Variants in ERCC6L2 observed in about 807,000 individuals in gnomAD.
The protein encoded by ERCC6L2 is DNA excision repair protein ERCC-6-like 2.
A neutral mutation model predicts 132.0 loss-of-function variants in ERCC6L2; 77 were observed. The ratio of observed to expected loss-of-function variants is 0.58; its 90% CI spans 0.49 to 0.71. The LOEUF is 0.71. Ranked by LOEUF, ERCC6L2 falls within the 30% of genes least tolerant of loss-of-function variation. The pLI, the probability that ERCC6L2 is intolerant of heterozygous loss-of-function variation, is 0.00. For missense variants in ERCC6L2, 1,542 were observed against 1,837.6 expected (o/e 0.84, Z 2.94); for synonymous variants, 583 against 632.4 (o/e 0.92, Z 1.17).
Position 96,015,957 on chromosome 9 carries a change from G to A in ERCC6L2, c.*2754G>A, listed in dbSNP as rs1057071573. Reference sequence around the variant, plus strand: ...AATGCAGAGTCCAGTATGAAAAGGAGCCTGTTTCAGAACGGAAACTGTCAG... The same window carrying A: ...AATGCAGAGTCCAGTATGAAAAGGAACCTGTTTCAGAACGGAAACTGTCAG... On this transcript the variant is annotated 3_prime_UTR_variant, in exon 19 of 19. Coordinates refer to ENST00000653738, the MANE Select transcript of ERCC6L2 (RefSeq NM_020207.7). Among the ~76,000 whole-genome samples the A allele has an allele frequency of 1.3e-5, 2 of 152,158 alleles. No individual in the cohort carries two copies. The highest frequency in any genetic ancestry group is 2.1e-4 in the South Asian group (1 of 4,832).
intron 17 of ERCC6L2, among the ~76,000 whole-genome samples, chr9:95,979,479 C>G (rs553918941): frequency 6.6e-6 from 1 of 152,150 alleles, no homozygotes; most frequent in Non-Finnish European, 1.5e-5. Flanking sequence ...CTTTTCCTAG[C>G]ACTCACTTTG....
chr9:96,010,775 T>G (rs750674019), intron 18 of ERCC6L2, among the ~76,000 whole-genome samples: 39 of 152,350 alleles, frequency 2.6e-4, no homozygotes, highest in Non-Finnish European at 4.3e-4. Flanking sequence ...ACTTTGATTT[T>G]CATGCATTTG....
intron 14 of ERCC6L2, among the ~76,000 whole-genome samples, chr9:95,969,807 G>A (rs1210177779): frequency 6.6e-6 from 1 of 152,166 alleles, no homozygotes; most frequent in Non-Finnish European, 1.5e-5. Context: ...CCAGGTGGCT[G>A]GAACCACGCC....
At chr9:95,995,162 G>A (rs879607448) in intron 17 of ERCC6L2, among the ~76,000 whole-genome samples, 2 of 152,174 alleles carry the variant, frequency 1.3e-5, no homozygotes, top group Non-Finnish European at 2.9e-5. Flanking sequence ...TATCTGCAAA[G>A]TTAAGAGTTG....
chr9:95,879,978 C>A (rs116980962), intron 1 of ERCC6L2, among the ~76,000 whole-genome samples: 3 of 152,050 alleles, frequency 2.0e-5, no homozygotes, highest in Non-Finnish European at 4.4e-5. Context: ...TTATTTGATA[C>A]TTTTTAATTG....
chr9:96,006,473 T>A (rs561575444), intron 18 of ERCC6L2, among the ~76,000 whole-genome samples: 3 of 152,184 alleles, frequency 2.0e-5, no homozygotes, highest in African/African-American at 7.2e-5. Context: ...GCCGGTGCTA[T>A]GAGTTCGGAT....
chr9:96,005,095 C>T (rs891758113), intron 18 of ERCC6L2, among the ~76,000 whole-genome samples: 2 of 152,098 alleles, frequency 1.3e-5, no homozygotes, highest in South Asian at 2.1e-4. Context: ...GGGTGGATCA[C>T]GAGGTCAGGA....
chr9:96,024,900 A>G (rs1205349678), intron 19 of ERCC6L2, among the ~76,000 whole-genome samples: 4 of 152,162 alleles, frequency 2.6e-5, no homozygotes, highest in South Asian at 2.1e-4. Context: ...CCCAAATCTC[A>G]GCACCATCTT....
chr9:96,027,153 C>G lies in ERCC6L2; in HGVS notation c.*1504-11723C>G, dbSNP rs1388848585. ...CACACAACACACTACACACACCCCA[C>G]ATGCACCACACCACACACACACACA... On this transcript the variant is annotated intron_variant and NMD_transcript_variant, in intron 19 of 20. Transcript: ENST00000670016. Among the ~76,000 whole-genome samples the G allele has an allele frequency of 2.0e-5, 3 of 150,420 alleles. No homozygotes were observed. The East Asian group carries it at 5.9e-4, about 30-fold the overall frequency.
chr9:95,942,057 G>T (rs549727268), intron 12 of ERCC6L2, among the ~76,000 whole-genome samples: 5 of 152,286 alleles, frequency 3.3e-5, no homozygotes, highest in African/African-American at 1.2e-4. Context: ...TTTACAGAGA[G>T]ATTGGCCGTA....
intron 17 of ERCC6L2, among the ~76,000 whole-genome samples, chr9:96,000,424 AAAG>A: frequency 6.6e-6 from 1 of 152,356 alleles, no homozygotes; most frequent in African/African-American, 2.4e-5. Context: ...CTTATACAAA[AAAG>A]AAAAAAGATA....
At chr9:95,924,218 T>A (rs775240946) in intron 9 of ERCC6L2, among the ~76,000 whole-genome samples, 1 of 152,136 alleles carries the variant, frequency 6.6e-6, no homozygotes, top group South Asian at 2.1e-4. Context: ...TTTATAGAAA[T>A]ACTTTTAGCA....
chr9:95,876,095 C>T lies in ERCC6L2; in HGVS notation c.46+11C>T. 3 of 1,563,760 alleles carry T rather than the reference C, an allele frequency of 1.9e-6. No individual in the cohort carries two copies. The highest frequency in any genetic ancestry group is 1.4e-5 in the African/African-American group (1 of 73,612). On this transcript the variant is annotated intron_variant, in intron 1 of 18. Transcript: ENST00000653738. The stretch of plus-strand genomic sequence containing the variant: ...AAACCTCAGGCAAAGGTACCAGCTC[C>T]GCGCTCGCCCCTTACGCAGAGGCCT...
chr9:96,030,155 A>T (rs988017136), intron 19 of ERCC6L2, among the ~76,000 whole-genome samples: 10 of 152,298 alleles, frequency 6.6e-5, no homozygotes, highest in Non-Finnish European at 1.2e-4. Flanking sequence ...GGCTAGCTAG[A>T]GGTTTGTAAA....
chr9:95,930,921 C>T (rs559110065), intron 11 of ERCC6L2, among the ~76,000 whole-genome samples: 144 of 152,112 alleles, frequency 9.5e-4, no homozygotes, highest in Middle Eastern at 3.2e-3. Context: ...TTTACTTTGT[C>T]AAGGGTATTA....
chr9:95,974,394 G>T (rs1044259033), intron 16 of ERCC6L2, among the ~76,000 whole-genome samples: 2 of 152,058 alleles, frequency 1.3e-5, no homozygotes, highest in Admixed American at 6.5e-5. Context: ...CATTTAGTGG[G>T]TCTCAATTCA....
chr9:95,960,459 C>G (rs1831849105), intron 13 of ERCC6L2, among the ~76,000 whole-genome samples: 1 of 152,092 alleles, frequency 6.6e-6, no homozygotes, highest in African/African-American at 2.4e-5. Flanking sequence ...CGGGGATTAT[C>G]TTGGATTATC....
chr9:96,007,363 G>A (rs961023318), intron 18 of ERCC6L2, among the ~76,000 whole-genome samples: 1 of 152,218 alleles, frequency 6.6e-6, no homozygotes, highest in Non-Finnish European at 1.5e-5. Flanking sequence ...ATATGGGTGG[G>A]ACATCCACAT....
chr9:95,985,276 A>G (rs1031299718), intron 17 of ERCC6L2, among the ~76,000 whole-genome samples: 4 of 152,210 alleles, frequency 2.6e-5, no homozygotes, highest in African/African-American at 9.7e-5. Flanking sequence ...ATACTCCTGT[A>G]AACACTACCA....
Sources: allele counts gnomAD v4.1 joint callset (sites outside exome capture counted in the v4.1 genomes callset), GRCh38; gene constraint gnomAD v4.1.1; transcripts MANE v1.5; gene names NCBI Gene and HGNC (gene_info 2026-07-23, HGNC 2026-07-21).